Variants in SLC30A8 observed in about 807,000 individuals in gnomAD.
SLC30A8 encodes solute carrier family 30 member 8.
Under a neutral mutation model 36.9 loss-of-function variants are expected in SLC30A8, and 27 were observed. The observed-to-expected ratio is 0.73, with a 90% CI of 0.54 to 1.01. The LOEUF (loss-of-function observed/expected upper bound fraction) is 1.01, where lower values mean the gene tolerates loss of function less well. Among genes scored for constraint, SLC30A8 ranks in the 50% least tolerant of loss-of-function variants. The pLI is 0.00. For synonymous variants in SLC30A8, 164 were observed against 172.4 expected (o/e 0.95, Z 0.38); for missense variants, 439 against 452.0 (o/e 0.97, Z 0.26).
At chr8:117,023,199 A>G (rs1187556123) in intron 1 of SLC30A8, among the ~76,000 whole-genome samples, 2 of 152,222 alleles carry the variant, frequency 1.3e-5, no homozygotes, top group African/African-American at 2.4e-5. Context: ...TAGAATGGCT[A>G]TCATTAAAAA....
chr8:117,139,519 G>C (rs758461298), intron 1 of SLC30A8, among the ~76,000 whole-genome samples: 3 of 152,078 alleles, frequency 2.0e-5, no homozygotes, highest in Non-Finnish European at 2.9e-5. Flanking sequence ...TGTTGTTTAA[G>C]CCACACAGTC....
intron 2 of SLC30A8, among the ~76,000 whole-genome samples, chr8:117,060,026 A>G (rs1032320886): frequency 5.9e-5 from 9 of 152,092 alleles, no homozygotes; most frequent in Admixed American, 3.9e-4. Flanking sequence ...GAACAAGGAT[A>G]GTTTTGAGCT....
At chr8:117,104,178 A>T (rs1338720095) in intron 2 of SLC30A8, among the ~76,000 whole-genome samples, 1 of 152,158 alleles carries the variant, frequency 6.6e-6, no homozygotes, top group African/African-American at 2.4e-5. Flanking sequence ...TATTTTTGCA[A>T]TGTGACTAGG....
chr8:117,105,391 T>C (rs963378608), intron 2 of SLC30A8, among the ~76,000 whole-genome samples: 1 of 152,184 alleles, frequency 6.6e-6, no homozygotes, highest in African/African-American at 2.4e-5. Flanking sequence ...CCCTACTTCT[T>C]GGTACTAAAA....
intron 4 of SLC30A8, among the ~76,000 whole-genome samples, chr8:117,160,599 T>C (rs1163049375): frequency 6.6e-6 from 1 of 152,172 alleles, no homozygotes; most frequent in Non-Finnish European, 1.5e-5. Context: ...TTTTTTCCTC[T>C]CTCTTTTTGT....
intron 1 of SLC30A8, among the ~76,000 whole-genome samples, chr8:117,011,057 A>G (rs543478214): frequency 1.4e-4 from 21 of 152,308 alleles, no homozygotes; most frequent in South Asian, 1.0e-3. Flanking sequence ...AGTTTCTTCA[A>G]ATTCTATTCT....
chr8:117,004,200 C>T (rs1816100736), intron 1 of SLC30A8, among the ~76,000 whole-genome samples: 2 of 152,180 alleles, frequency 1.3e-5, no homozygotes, highest in South Asian at 4.1e-4. Context: ...TGCACATGTT[C>T]TCATTTTCAT....
At chr8:117,127,183 C>T (rs181729151) in intron 2 of SLC30A8, among the ~76,000 whole-genome samples, 2 of 151,858 alleles carry the variant, frequency 1.3e-5, no homozygotes, top group African/African-American at 2.4e-5. Flanking sequence ...AATTGGTACG[C>T]GTTCCAAATT....
At chr8:116,953,716 T>C (rs989064689) in intron 1 of SLC30A8, among the ~76,000 whole-genome samples, 1 of 152,328 alleles carries the variant, frequency 6.6e-6, no homozygotes, top group Middle Eastern at 3.4e-3. Context: ...CTGGGTTTTG[T>C]AGCATTTTTC....
chr8:117,142,079 T>A (rs1821678457), intron 1 of SLC30A8, among the ~76,000 whole-genome samples: 1 of 152,160 alleles, frequency 6.6e-6, no homozygotes, highest in Non-Finnish European at 1.5e-5. Flanking sequence ...GCCTCTATAC[T>A]GCACTGCCTG....
intron 2 of SLC30A8, among the ~76,000 whole-genome samples, chr8:117,069,512 A>G (rs374214046): frequency 8.7e-4 from 133 of 152,314 alleles, no homozygotes; most frequent in African/African-American, 2.9e-3. Flanking sequence ...GTGGCCCCCA[A>G]TTTAGAGAGT....
chr8:116,956,975 A>C (rs949482273), intron 1 of SLC30A8, among the ~76,000 whole-genome samples: 3 of 152,226 alleles, frequency 2.0e-5, no homozygotes, highest in African/African-American at 7.2e-5. Context: ...ATGTAGAATA[A>C]TTTTGACTCA....
chr8:117,094,103 A>G (rs4514015), intron 2 of SLC30A8, among the ~76,000 whole-genome samples: 22,935 of 152,284 alleles, frequency 0.15, 1,828 homozygotes, highest in African/African-American at 0.2. Context: ...CACAGCCCTG[A>G]CTAAGGGAGC....
chr8:117,064,624 A>G (rs767612372), intron 2 of SLC30A8, among the ~76,000 whole-genome samples: 1 of 152,252 alleles, frequency 6.6e-6, no homozygotes, highest in Non-Finnish European at 1.5e-5. Context: ...AGATTTTATC[A>G]TTTGATGGCA....
intron 2 of SLC30A8, among the ~76,000 whole-genome samples, chr8:117,119,424 G>C (rs963711350): frequency 2.9e-5 from 4 of 135,996 alleles, no homozygotes; most frequent in Non-Finnish European, 4.5e-5. Flanking sequence ...CAATGCCAGG[G>C]TTTTGGCTGC....
intron 1 of SLC30A8, among the ~76,000 whole-genome samples, chr8:116,962,508 G>A (rs1489063316): frequency 2.0e-5 from 3 of 151,940 alleles, no homozygotes; most frequent in Non-Finnish European, 4.4e-5. Flanking sequence ...TGTTCTTACT[G>A]ATGCTCACTC....
intron 1 of SLC30A8, among the ~76,000 whole-genome samples, chr8:116,980,033 T>C (rs915427254): frequency 3.3e-5 from 5 of 152,326 alleles, no homozygotes; most frequent in African/African-American, 1.2e-4. Context: ...AATGATGTTA[T>C]TAAAACAAAG....
chr8:117,161,690 T>C (rs1183305638), intron 4 of SLC30A8, 48 bp from the exon 5 acceptor site: 1 of 1,555,668 alleles, frequency 6.4e-7, no homozygotes. Context: ...CTGCCTACGT[T>C]TTTAAGACTG....
intron 1 of SLC30A8, among the ~76,000 whole-genome samples, chr8:117,024,377 A>T (rs1464203426): frequency 6.6e-6 from 1 of 152,180 alleles, no homozygotes; most frequent in Non-Finnish European, 1.5e-5. Flanking sequence ...ATATGCTTTG[A>T]AAAGAGGTCC....
Sources: gnomAD v4.1 joint callset for allele counts (sites outside exome capture counted in the v4.1 genomes callset) on GRCh38, gnomAD v4.1.1 for gene constraint, MANE v1.5 for transcripts, NCBI Gene and HGNC (gene_info 2026-07-23, HGNC 2026-07-21) for gene names.